The following ST8SIA6 variants were observed in gnomAD, a reference collection of about 807,000 sequenced individuals.
ST8SIA6 encodes ST8 alpha-N-acetyl-neuraminide alpha-2,8-sialyltransferase 6, also known as alpha-2,8-sialyltransferase 8F.
Under a neutral mutation model 33.6 loss-of-function variants are expected in ST8SIA6, and 39 were observed. The observed-to-expected ratio is 1.16, with a 90% CI of 0.90 to 1.52. The LOEUF is 1.52. ST8SIA6 is among the 40% of genes most tolerant of loss of function. The pLI is 0.00. For synonymous variants in ST8SIA6, 172 were observed against 167.2 expected (o/e 1.03, Z -0.22); for missense variants, 441 against 443.8 (o/e 0.99, Z 0.06).
intron 2 of ST8SIA6, among the ~76,000 whole-genome samples, chr10:17,444,537 T>C (rs1199067312): frequency 2.0e-5 from 3 of 152,106 alleles, no homozygotes; most frequent in African/African-American, 7.2e-5. Flanking sequence ...GGGCATTTCC[T>C]TGTGTCCTTC....
At chr10:17,333,497 C>T (rs1369963526) in intron 4 of ST8SIA6, among the ~76,000 whole-genome samples, 2 of 151,230 alleles carry the variant, frequency 1.3e-5, no homozygotes, top group Non-Finnish European at 2.9e-5. Context: ...CACTATACTA[C>T]AAGGCTACAG....
At chr10:17,368,407 C>CAAAAAAAAAAAAAAAAAAA (rs200826980) in intron 3 of ST8SIA6, among the ~76,000 whole-genome samples, 27 of 72,184 alleles carry the variant, frequency 3.7e-4, no homozygotes, top group Middle Eastern at 9.1e-3. Context: ...AGCTCTGTCT[C>CAAAAAAAAAAAAAAAAAAA]AAAAAAAAAA....
Position 17,454,201 on chromosome 10 carries a change from GCA to G in ST8SIA6, c.53_54del (p.Leu18ProfsTer48). On this transcript the variant is annotated frameshift_variant, in exon 1 of 8. Transcript: ENST00000377602. LOFTEE classifies it high-confidence loss of function. This position sits in a 1 kb window ranked among gnomAD's most constrained non-coding sequence, Gnocchi z 4.1. ...GCCGGGCACCAGAGCAGGCGCAGCA[GCA>G]GCAGCAGCAGCAGGCTGGCGAGCAG... ...LALLASLLLL[L>X]LLRLLWCPAD... is the part of the protein sequence containing the mutation. 1 of 278,738 alleles carries G rather than the reference GCA, an allele frequency of 3.6e-6. No individual in the cohort carries two copies. Among genetic ancestry groups the G allele is most frequent in the Non-Finnish European group, 6.6e-6 (1 of 151,354 alleles). The allele number at this position is 278,738 out of a possible 1,614,324, so 17.3% of individuals were successfully genotyped here.
intron 3 of ST8SIA6, among the ~76,000 whole-genome samples, chr10:17,374,632 T>C (rs1481706272): frequency 2.6e-5 from 4 of 151,274 alleles, no homozygotes; most frequent in African/African-American, 9.7e-5. Context: ...GAGAATCACT[T>C]GAAACTAGGA....
intron 3 of ST8SIA6, among the ~76,000 whole-genome samples, chr10:17,365,238 T>C (rs1053795332): frequency 6.6e-6 from 1 of 152,210 alleles, no homozygotes; most frequent in Non-Finnish European, 1.5e-5. Flanking sequence ...TATTAAAATT[T>C]TAAACATTTT....
At chr10:17,341,336 G>A (rs1848666618) in intron 4 of ST8SIA6, among the ~76,000 whole-genome samples, 1 of 152,136 alleles carries the variant, frequency 6.6e-6, no homozygotes, top group South Asian at 2.1e-4. Context: ...GGTAGGTGAA[G>A]AACTAATAAC....
At chr10:17,357,401 G>A (rs1166381009) in intron 4 of ST8SIA6, among the ~76,000 whole-genome samples, 1 of 151,680 alleles carries the variant, frequency 6.6e-6, no homozygotes, top group Non-Finnish European at 1.5e-5. Flanking sequence ...CTCCCAAAGT[G>A]CTGGGATTAC....
chr10:17,428,907 C>T (rs1219509167), intron 2 of ST8SIA6, among the ~76,000 whole-genome samples: 1 of 152,134 alleles, frequency 6.6e-6, no homozygotes, highest in African/African-American at 2.4e-5. Flanking sequence ...AGAAGTCAGT[C>T]CATGATAACC....
At chr10:17,334,825 C>A (rs1439285265) in intron 4 of ST8SIA6, among the ~76,000 whole-genome samples, 1 of 152,086 alleles carries the variant, frequency 6.6e-6, no homozygotes, top group Non-Finnish European at 1.5e-5. Context: ...CAAGGATCAT[C>A]TGAGTTAACC....
chr10:17,382,093 T>A (rs1245337989), intron 3 of ST8SIA6, among the ~76,000 whole-genome samples: 1 of 152,178 alleles, frequency 6.6e-6, no homozygotes, highest in Non-Finnish European at 1.5e-5. Flanking sequence ...ACAGTTTTCA[T>A]AAATAATCTA....
At chr10:17,341,645 A>C (rs1468687944) in intron 4 of ST8SIA6, among the ~76,000 whole-genome samples, 1 of 152,108 alleles carries the variant, frequency 6.6e-6, no homozygotes, top group African/African-American at 2.4e-5. Flanking sequence ...TTATGCCTGT[A>C]ATCCCAGCGC....
At chr10:17,332,391 C>T (rs1243627424) in intron 4 of ST8SIA6, among the ~76,000 whole-genome samples, 1 of 152,186 alleles carries the variant, frequency 6.6e-6, no homozygotes, top group Non-Finnish European at 1.5e-5. Flanking sequence ...AATGGTTGAA[C>T]TAATTTACAC....
intron 2 of ST8SIA6, among the ~76,000 whole-genome samples, chr10:17,412,525 G>C (rs565549670): frequency 2.2e-4 from 33 of 152,270 alleles, no homozygotes; most frequent in Admixed American, 2.0e-3. Flanking sequence ...ATTAACCTGC[G>C]TGAGCTCCAC....
rs141961243 is a variant in ST8SIA6, at chr10:17,321,214, G to A, written c.861C>T (p.Leu287=). 1.9e-5 allele frequency: 30 copies of A among 1,614,030 alleles called. No homozygotes were observed. The highest frequency in any genetic ancestry group is 1.3e-4 in the Admixed American group (8 of 59,986). The stretch of plus-strand genomic sequence containing the variant: ...CCTTTTGTCTTGCTTTAGACTCTTC[G>A]AGCGTGTAGTATACTTTGAAAGAGG... ...TGTSFKVYYT[L]EESKARQKVL... The change falls in exon 8 of 8, where the codon CTC becomes CTT. Residue 287 remains leucine (L), a synonymous_variant. Transcript: ENST00000377602.
At chr10:17,328,998 C>T (rs1257832995) in intron 5 of ST8SIA6, among the ~76,000 whole-genome samples, 1 of 152,176 alleles carries the variant, frequency 6.6e-6, no homozygotes, top group African/African-American at 2.4e-5. Flanking sequence ...ACCAGCCCAA[C>T]TGACAACAGC....
intron 5 of ST8SIA6, among the ~76,000 whole-genome samples, chr10:17,330,762 A>G (rs890761505): frequency 5.3e-5 from 8 of 152,176 alleles, no homozygotes; most frequent in Non-Finnish European, 7.3e-5. Flanking sequence ...TGAGATGTTT[A>G]TGTTCCTCAG....
rs766852974 is a variant in ST8SIA6 at position 17,320,230 on chromosome 10, AATT to A, written c.*645_*647del. 1 of 152,308 alleles carries A rather than the reference AATT, an allele frequency of 6.6e-6. No homozygotes were observed. The highest frequency in any genetic ancestry group is 1.5e-5 in the Non-Finnish European group (1 of 68,116). The allele number at this position is 152,308 out of a possible 1,614,324, so 9.4% of individuals were successfully genotyped here. On this transcript the variant is annotated 3_prime_UTR_variant, in exon 8 of 8. Coordinates refer to ENST00000377602, the MANE Select transcript of ST8SIA6 (RefSeq NM_001004470.3). Reference sequence around the variant, plus strand: ...AGAATGAGGCAGGAAGTTAAAATAAAATTATTAAGTGATGAAGAAATGTAGACA... The same window carrying A: ...AGAATGAGGCAGGAAGTTAAAATAAAATTAAGTGATGAAGAAATGTAGACA...
intron 1 of ST8SIA6, 82 bp from the exon 2 acceptor site, chr10:17,453,739 C>G: frequency 4.5e-6 from 5 of 1,119,052 alleles, no homozygotes; most frequent in Non-Finnish European, 4.6e-6. Context: ...CGCTCCTTGC[C>G]TGGCAGGGAG....
At chr10:17,429,103 G>A (rs1852023692) in intron 2 of ST8SIA6, among the ~76,000 whole-genome samples, 1 of 151,694 alleles carries the variant, frequency 6.6e-6, no homozygotes, top group South Asian at 2.1e-4. Flanking sequence ...CCCTCCTCCT[G>A]TTGGTTTATA....
Sources: gnomAD v4.1 joint callset for allele counts (sites outside exome capture counted in the v4.1 genomes callset) on GRCh38, gnomAD v4.1.1 for gene constraint, Gnocchi (gnomAD v3.1) non-coding constraint, MANE v1.5 for transcripts, NCBI Gene and HGNC (gene_info 2026-07-23, HGNC 2026-07-21) for gene names.